The following FER variants were observed in gnomAD, a reference collection of about 807,000 sequenced individuals.
FER encodes the protein tyrosine-protein kinase Fer.
FER carries 63 observed loss-of-function variants against 111.0 expected under a neutral mutation model. The observed-to-expected ratio is 0.57, with a 90% CI of 0.46 to 0.70. FER has a LOEUF of 0.70. Among genes scored for constraint, FER ranks in the 30% least tolerant of loss-of-function variants. The probability of loss-of-function intolerance (pLI) is 0.00; values close to 1 mark genes in which losing one functional copy is unlikely to be tolerated. For missense variants in FER, 914 were observed against 954.0 expected, an observed-to-expected ratio of 0.96 and a Z score of 0.55; for synonymous variants, 327 against 313.9, an observed-to-expected ratio of 1.04 and a Z score of -0.44.
Position 109,044,804 on chromosome 5 carries a change from T to C in FER, c.1829+9T>C, listed in dbSNP as rs912211300. ...TTTTTACAAGAAGCCAAGTGAGTTA[T>C]TTAAAGTAATCAAAATATGTATTTA... is the stretch of plus-strand genomic sequence containing the variant. On this transcript the variant is annotated intron_variant, in intron 15 of 19. Coordinates refer to ENST00000281092, the MANE Select transcript of FER (RefSeq NM_005246.4). 3 of 1,272,918 alleles carry C rather than the reference T, an allele frequency of 2.4e-6. No homozygotes were observed. The African/African-American group carries it at 4.5e-5, about 19-fold the overall frequency. The allele number at this position is 1,272,918 out of a possible 1,614,324, so 78.9% of individuals were successfully genotyped here. A position where few individuals can be genotyped will look rare whatever the true frequency, so the allele number is the denominator to read the frequency against.
chr5:108,964,209 A>G (rs1349033272), intron 13 of FER, among the ~76,000 whole-genome samples: 1 of 152,172 alleles, frequency 6.6e-6, no homozygotes, highest in African/African-American at 2.4e-5. Flanking sequence ...AAAATGAAGT[A>G]GGGTAAGGAG....
In FER at chr5:108,969,366, C is replaced by A. The variant is rs542288145; in HGVS notation, c.1656+10019C>A. On this transcript the variant is annotated intron_variant, in intron 13 of 19. Coordinates refer to ENST00000281092, the MANE Select transcript of FER (RefSeq NM_005246.4). ...AATGAGGAAGTTCTATATGTACTGA[C>A]TGGGGAGAGCTCCAAGAGACATTGT... is the stretch of plus-strand genomic sequence containing the variant. 1.3e-4 allele frequency among the ~76,000 whole-genome samples: 20 copies of A among 152,156 alleles called. No homozygotes were observed. The South Asian group carries it at 1.7e-3, about 13-fold the overall frequency.
At chr5:109,051,347 T>C in intron 16 of FER, 1 of 1,609,064 alleles carries the variant, frequency 6.2e-7, no homozygotes, top group Non-Finnish European at 8.5e-7. Flanking sequence ...GGCCTGCTGC[T>C]GGCACGACTG....
chr5:108,864,609 T>C (rs1763849312), intron 5 of FER, among the ~76,000 whole-genome samples: 1 of 152,192 alleles, frequency 6.6e-6, no homozygotes, highest in Admixed American at 6.5e-5. Flanking sequence ...ATTTATTAAA[T>C]AGGGAATCCT....
At chr5:109,071,620 G>C (rs1284121707) in intron 16 of FER, among the ~76,000 whole-genome samples, 1 of 151,644 alleles carries the variant, frequency 6.6e-6, no homozygotes, top group Admixed American at 6.6e-5. Context: ...GTCTATAACA[G>C]TATACAGTCT....
chr5:109,020,122 CA>C (rs1360843950), intron 13 of FER, among the ~76,000 whole-genome samples: 50 of 152,060 alleles, frequency 3.3e-4, no homozygotes, highest in African/African-American at 1.0e-3. Flanking sequence ...ATTGTATGTA[CA>C]TTGCTAATCT....
At position 108,971,272 on chromosome 5, in the gene FER, C is replaced by CAAAAAAA. The variant is rs201694196; in HGVS notation, c.1656+11943_1656+11949dup. ...GATGGAGGATCACTTGAACCTGTCTCAAAAAAAAAAAAAAAAAAAAAAAAC... is the reference window on the plus strand; with the variant it reads ...GATGGAGGATCACTTGAACCTGTCTCAAAAAAAAAAAAAAAAAAAAAAAAAAAAAAAC... On this transcript the variant is annotated intron_variant, in intron 13 of 19. Coordinates refer to ENST00000281092, the MANE Select transcript of FER (RefSeq NM_005246.4). Among the ~76,000 whole-genome samples, 332 of 76,238 alleles carry CAAAAAAA rather than the reference C, an allele frequency of 4.4e-3. 4 individuals carry two copies. Among genetic ancestry groups the CAAAAAAA allele is most frequent in the African/African-American group, 0.013 (324 of 24,564 alleles). 50.0% of individuals were successfully genotyped at this position (76,238 alleles called of 152,430 possible).
chr5:108,860,104 G>T (rs1263085729), intron 5 of FER, among the ~76,000 whole-genome samples: 1 of 151,744 alleles, frequency 6.6e-6, no homozygotes, highest in Non-Finnish European at 1.5e-5. Flanking sequence ...ACCACGCCCA[G>T]CTAATTTTTG....
At chr5:108,799,841 C>G (rs1580606572) in intron 3 of FER, among the ~76,000 whole-genome samples, 1 of 141,190 alleles carries the variant, frequency 7.1e-6, no homozygotes, top group Non-Finnish European at 1.5e-5. Flanking sequence ...GTTTTCTTTT[C>G]TTTTCTTTTT....
chr5:108,926,335 A>C (rs1203569017), intron 10 of FER, among the ~76,000 whole-genome samples: 3 of 151,810 alleles, frequency 2.0e-5, no homozygotes, highest in Admixed American at 6.6e-5. Context: ...AATTTTATTA[A>C]CTTTTTTCTT....
chr5:109,157,545 A>C (rs968747800), intron 17 of FER, among the ~76,000 whole-genome samples: 7 of 152,012 alleles, frequency 4.6e-5, no homozygotes, highest in Non-Finnish European at 8.8e-5. Context: ...GAGCATTTCA[A>C]ACTGTTCCCT....
chr5:109,176,636 A>G (rs1265274196), intron 17 of FER, among the ~76,000 whole-genome samples: 1 of 152,222 alleles, frequency 6.6e-6, no homozygotes, highest in Non-Finnish European at 1.5e-5. Flanking sequence ...TTCAGTGTTC[A>G]TGACACAAAT....
intron 16 of FER, among the ~76,000 whole-genome samples, chr5:109,073,953 A>G (rs1407935256): frequency 6.6e-6 from 1 of 152,090 alleles, no homozygotes; most frequent in Non-Finnish European, 1.5e-5. Context: ...ATTGAGTAAA[A>G]GAATCATTAC....
chr5:108,872,747 C>A (rs1327004801), intron 8 of FER, among the ~76,000 whole-genome samples: 2 of 152,000 alleles, frequency 1.3e-5, no homozygotes, highest in East Asian at 3.9e-4. Context: ...GTTTTTAGTT[C>A]TTTTCAAACA....
At chr5:109,071,180 G>A (rs893555321) in intron 16 of FER, among the ~76,000 whole-genome samples, 3 of 151,996 alleles carry the variant, frequency 2.0e-5, no homozygotes, top group Non-Finnish European at 4.4e-5. Context: ...AAGGCATTAT[G>A]TTGCATTTAG....
At chr5:109,159,346 A>T (rs1755747532) in intron 17 of FER, among the ~76,000 whole-genome samples, 1 of 152,202 alleles carries the variant, frequency 6.6e-6, no homozygotes, top group South Asian at 2.1e-4. Context: ...TTTCTATCAC[A>T]TATTTTTGTG....
At chr5:109,102,834 T>C (rs1240109606) in intron 17 of FER, among the ~76,000 whole-genome samples, 1 of 152,126 alleles carries the variant, frequency 6.6e-6, no homozygotes, top group African/African-American at 2.4e-5. Flanking sequence ...ATTGTATTGA[T>C]AAAATAAATT....
intron 10 of FER, among the ~76,000 whole-genome samples, chr5:108,932,265 T>C (rs1754794219): frequency 6.6e-6 from 1 of 152,166 alleles, no homozygotes; most frequent in African/African-American, 2.4e-5. Flanking sequence ...AGTGAGAACA[T>C]GCGGTGTTTG....
chr5:109,114,663 G>A (rs2126438388), intron 17 of FER, among the ~76,000 whole-genome samples: 1 of 152,154 alleles, frequency 6.6e-6, no homozygotes, highest in Middle Eastern at 3.4e-3. Context: ...AAAGGAACAT[G>A]TCTTCGTTTC....
Sources: gnomAD v4.1 joint callset for allele counts (sites outside exome capture counted in the v4.1 genomes callset) on GRCh38, gnomAD v4.1.1 for gene constraint, MANE v1.5 for transcripts, NCBI Gene and HGNC (gene_info 2026-07-23, HGNC 2026-07-21) for gene names.